ANXA4: variants seen among roughly 807,000 people sequenced by gnomAD.
The protein encoded by ANXA4 is 35-beta calcimedin.
A neutral mutation model predicts 49.8 loss-of-function variants in ANXA4; 39 were observed. That is an observed-to-expected ratio of 0.78 (90% CI 0.61 to 1.02). The LOEUF (loss-of-function observed/expected upper bound fraction) is 1.02, where lower values mean the gene tolerates loss of function less well. Ranked by LOEUF, ANXA4 falls within the 50% of genes least tolerant of loss-of-function variation. The pLI, the probability that ANXA4 is intolerant of heterozygous loss-of-function variation, is 0.00. For missense variants in ANXA4, 360 were observed against 410.1 expected, an observed-to-expected ratio of 0.88 and a Z score of 1.05; for synonymous variants, 134 against 152.5, an observed-to-expected ratio of 0.88 and a Z score of 0.89.
intron 2 of ANXA4, among the ~76,000 whole-genome samples, chr2:69,785,364 T>C (rs1317469872): frequency 6.6e-6 from 1 of 152,196 alleles, no homozygotes; most frequent in African/African-American, 2.4e-5. Context: ...TATTACATTC[T>C]TGGATCCAAT....
intron 1 of ANXA4, among the ~76,000 whole-genome samples, chr2:69,762,695 C>T (rs763804475): frequency 4.3e-4 from 65 of 152,270 alleles, no homozygotes; most frequent in Admixed American, 7.2e-4. Context: ...CACCATGATT[C>T]GCGCCCCAAC....
intron 2 of ANXA4, among the ~76,000 whole-genome samples, chr2:69,657,910 T>C (rs1200581972): frequency 6.6e-6 from 1 of 152,210 alleles, no homozygotes; most frequent in African/African-American, 2.4e-5. Context: ...AAATTTTTTA[T>C]AGATATAAGC....
chr2:69,656,288 CATATATGTATATATATGTATATAT>C (rs1676458704), intron 2 of ANXA4, among the ~76,000 whole-genome samples: 1 of 89,532 alleles, frequency 1.1e-5, no homozygotes, highest in Non-Finnish European at 2.0e-5. Context: ...TATATATATA[CATATATGTATATATATGTATATAT>C]GTATATATAT....
In ANXA4 at chr2:69,678,547, C is replaced by A. The variant is rs72899467; in HGVS notation, n.766+25265C>A. Among the ~76,000 whole-genome samples, 1,163 of 151,798 alleles carry A rather than the reference C, an allele frequency of 7.7e-3. 22 individuals carry two copies. The highest frequency in any genetic ancestry group is 9.8e-3 in the Admixed American group (150 of 15,250). On this transcript the variant is annotated intron_variant and non_coding_transcript_variant, in intron 2 of 3. Transcript: ENST00000418066. ...TAGCTGGAACCACAGGTACACAGCA[C>A]CACACCGGGCTAATTTTTTGTGTGT...
At chr2:69,755,779 C>T (rs1371259157) in intron 1 of ANXA4, among the ~76,000 whole-genome samples, 1 of 152,048 alleles carries the variant, frequency 6.6e-6, no homozygotes, top group Non-Finnish European at 1.5e-5. Context: ...GTTTTGCAAG[C>T]TGATTGTTAA....
intron 8 of ANXA4, among the ~76,000 whole-genome samples, chr2:69,813,971 T>G (rs928817906): frequency 1.3e-5 from 2 of 151,840 alleles, no homozygotes; most frequent in Admixed American, 1.3e-4. Flanking sequence ...TTGGCCAGGC[T>G]GGTCTTGAAC....
intron 2 of ANXA4, among the ~76,000 whole-genome samples, chr2:69,654,007 A>T (rs1676347343): frequency 6.6e-6 from 1 of 152,114 alleles, no homozygotes; most frequent in Non-Finnish European, 1.5e-5. Context: ...CACATCCCTT[A>T]TAAGTTGTAT....
At chr2:69,668,461 T>A (rs910578361) in intron 2 of ANXA4, among the ~76,000 whole-genome samples, 55 of 152,042 alleles carry the variant, frequency 3.6e-4, no homozygotes, top group African/African-American at 8.0e-4. Flanking sequence ...AAAATTTTTT[T>A]AAAAAAAGTA....
chr2:69,761,773 TC>T (rs1318032013), intron 1 of ANXA4, among the ~76,000 whole-genome samples: 1 of 109,024 alleles, frequency 9.2e-6, no homozygotes, highest in Non-Finnish European at 1.8e-5. Context: ...CAAGATGCTG[TC>T]TTAAAAAAAA....
chr2:69,775,935 C>T (rs1671941348), intron 1 of ANXA4, among the ~76,000 whole-genome samples: 1 of 147,776 alleles, frequency 6.8e-6, no homozygotes, highest in South Asian at 2.1e-4. Flanking sequence ...CTATCATTTT[C>T]TTCCAGGCCA....
intron 2 of ANXA4, among the ~76,000 whole-genome samples, chr2:69,673,305 CCATGGAATACTATGCAGCCATAA>C (rs1677260089): frequency 6.6e-6 from 1 of 152,128 alleles, no homozygotes; most frequent in African/African-American, 2.4e-5. Flanking sequence ...CACATATACA[CCATGGAATACTATGCAGCCATAA>C]AAAAGGATGA....
At chr2:69,714,308 A>G (rs1482113238) in intron 2 of ANXA4, among the ~76,000 whole-genome samples, 1 of 148,174 alleles carries the variant, frequency 6.7e-6, no homozygotes, top group East Asian at 2.2e-4. Context: ...TAAGGAGGGG[A>G]GCGTACAGTT....
At chr2:69,749,922 CAA>C (rs70954355) in intron 1 of ANXA4, among the ~76,000 whole-genome samples, 2 of 139,096 alleles carry the variant, frequency 1.4e-5, no homozygotes, top group Non-Finnish European at 1.6e-5. Flanking sequence ...GACTCTATCT[CAA>C]AAAAAAAAAA....
At chr2:69,651,832 G>C (rs990211537) in intron 1 of ANXA4, among the ~76,000 whole-genome samples, 2 of 59,086 alleles carry the variant, frequency 3.4e-5, no homozygotes, top group African/African-American at 1.4e-4. Flanking sequence ...GGGGGGGGCG[G>C]GGAGACAGAG....
At chr2:69,793,659 G>A (rs1672795214) in intron 3 of ANXA4, among the ~76,000 whole-genome samples, 1 of 152,152 alleles carries the variant, frequency 6.6e-6, no homozygotes, top group African/African-American at 2.4e-5. Flanking sequence ...TAATAAGCAA[G>A]CATAGCCAGA....
At chr2:69,667,024 C>T (rs941026236) in intron 2 of ANXA4, among the ~76,000 whole-genome samples, 2 of 150,594 alleles carry the variant, frequency 1.3e-5, no homozygotes, top group African/African-American at 4.9e-5. Context: ...TCAGCCTGGC[C>T]GATAGAGTGA....
intron 3 of ANXA4, among the ~76,000 whole-genome samples, chr2:69,734,721 C>G (rs1012122902): frequency 6.7e-5 from 10 of 150,304 alleles, no homozygotes; most frequent in Admixed American, 4.6e-4. Flanking sequence ...CTTGTTCCCC[C>G]CAAAAAAGTC....
intron 2 of ANXA4, among the ~76,000 whole-genome samples, chr2:69,710,145 G>A (rs1361548018): frequency 1.3e-5 from 2 of 151,842 alleles, no homozygotes; most frequent in Non-Finnish European, 2.9e-5. Flanking sequence ...GTGCCACCAC[G>A]CCCGGCTAAT....
intron 3 of ANXA4, among the ~76,000 whole-genome samples, chr2:69,732,956 G>C (rs1670145146): frequency 6.6e-6 from 1 of 152,242 alleles, no homozygotes; most frequent in African/African-American, 2.4e-5. Flanking sequence ...AAGGTCACCA[G>C]TTAGGAAATG....
Sources: gnomAD v4.1 joint callset for allele counts (sites outside exome capture counted in the v4.1 genomes callset) on GRCh38, gnomAD v4.1.1 for gene constraint, MANE v1.5 for transcripts, NCBI Gene and HGNC (gene_info 2026-07-23, HGNC 2026-07-21) for gene names.